Variants in VWA8 observed in about 807,000 individuals in gnomAD.
The protein encoded by VWA8 is von Willebrand factor A domain-containing protein 8.
In VWA8, 221 loss-of-function variants were observed where a neutral mutation model predicts 241.5. That is an observed-to-expected ratio of 0.91 (90% CI 0.82 to 1.02). The LOEUF (loss-of-function observed/expected upper bound fraction) is 1.02, where lower values mean the gene tolerates loss of function less well. Among genes scored for constraint, VWA8 ranks in the 50% least tolerant of loss-of-function variants. The pLI, the probability that VWA8 is intolerant of heterozygous loss-of-function variation, is 0.00. For missense variants in VWA8, 2,322 were observed against 2,328.7 expected (o/e 1.00, Z 0.06); for synonymous variants, 852 against 827.1 (o/e 1.03, Z -0.52).
At chr13:41,759,400 G>A (rs1028225904) in intron 21 of VWA8, among the ~76,000 whole-genome samples, 1 of 150,846 alleles carries the variant, frequency 6.6e-6, no homozygotes, top group African/African-American at 2.4e-5. Context: ...GCTATGTAGT[G>A]TTTTTTTTGT....
rs746251108 is a variant in VWA8 at position 41,721,395 on chromosome 13, A to G, written c.2939T>C (p.Val980Ala). 1.2e-6 allele frequency: 2 copies of G among 1,613,760 alleles called. No homozygotes were observed. The highest frequency in any genetic ancestry group is 2.2e-5 in the East Asian group (1 of 44,874). The change falls in exon 25 of 45, where the codon GTT (valine) becomes GCT (alanine). Residue 980 changes from valine (V) to alanine (A), a missense_variant. By Grantham distance (64) the Val-to-Ala change is moderately conservative. Coordinates refer to ENST00000379310, the MANE Select transcript of VWA8 (RefSeq NM_015058.2). Reference sequence around the variant, plus strand: ...CTGTAAATGTTTGACTATGTTGACAACTTCTCTGGTAGAATAAGGATAGTT... The same window carrying G: ...CTGTAAATGTTTGACTATGTTGACAGCTTCTCTGGTAGAATAAGGATAGTT... ...IINYPYSTRE[V>A]VNIVKHLQKF... is the part of the protein sequence containing the mutation.
At chr13:41,795,194 A>AG (rs1160263286) in intron 17 of VWA8, among the ~76,000 whole-genome samples, 5 of 152,198 alleles carry the variant, frequency 3.3e-5, no homozygotes, top group Non-Finnish European at 5.9e-5. Context: ...GAACATGAAA[A>AG]AAAGCTCAAC....
intron 43 of VWA8, among the ~76,000 whole-genome samples, chr13:41,575,377 C>G (rs138458516): frequency 6.6e-6 from 1 of 152,048 alleles, no homozygotes; most frequent in African/African-American, 2.4e-5. Context: ...ATCCATATAA[C>G]CAAAAACCAC....
In VWA8 at chr13:41,568,269, A is replaced by G. The variant is rs763630457; in HGVS notation, c.5646T>C (p.Val1882=). 6.2e-7 allele frequency: 1 copy of G among 1,614,188 alleles called. No homozygotes were observed. ...GAGGGATATCCTTGGTATCCATGGC[A>G]ACGAAAGACCGACCAGCTGGTAAAG... ...QRTLPAGRSF[V]AMDTKDIPQI... is the part of the protein sequence containing the mutation. The change falls in exon 45 of 45, where the codon GTT becomes GTC. Residue 1882 remains valine (V), a synonymous_variant. Coordinates refer to ENST00000379310, the MANE Select transcript of VWA8 (RefSeq NM_015058.2).
At chr13:41,673,544 G>A (rs1016062357) in intron 36 of VWA8, among the ~76,000 whole-genome samples, 11 of 152,018 alleles carry the variant, frequency 7.2e-5, no homozygotes, top group African/African-American at 2.7e-4. Context: ...ATGGAGATGT[G>A]CTTTAAGTGT....
At chr13:41,656,172 G>T (rs763303916) in intron 37 of VWA8, among the ~76,000 whole-genome samples, 2 of 152,150 alleles carry the variant, frequency 1.3e-5, no homozygotes, top group African/African-American at 2.4e-5. Flanking sequence ...TCTGAGTAAT[G>T]ACTTATATGT....
At chr13:41,918,628 A>C (rs1236236246) in intron 2 of VWA8, among the ~76,000 whole-genome samples, 2 of 152,138 alleles carry the variant, frequency 1.3e-5, no homozygotes, top group African/African-American at 4.8e-5. Flanking sequence ...TTAGTTCTGC[A>C]AAAAAGTTAT....
intron 37 of VWA8, among the ~76,000 whole-genome samples, chr13:41,667,251 T>C (rs1406099931): frequency 6.6e-6 from 1 of 152,246 alleles, no homozygotes; most frequent in Non-Finnish European, 1.5e-5. Flanking sequence ...CTTACTTACC[T>C]AAGTACATCA....
At chr13:41,657,639 G>A (rs973956801) in intron 37 of VWA8, among the ~76,000 whole-genome samples, 48 of 152,068 alleles carry the variant, frequency 3.2e-4, no homozygotes, top group African/African-American at 7.2e-4. Context: ...ACAGGCGCCC[G>A]CCACCGCGCC....
rs200869980 is a variant in VWA8 at position 41,659,446 on chromosome 13, T to C, written c.4611+11500A>G. Among the ~76,000 whole-genome samples, 38 of 152,340 alleles carry C rather than the reference T, an allele frequency of 2.5e-4. No individual in the cohort carries two copies. The East Asian group carries it at 3.7e-3, about 15-fold the overall frequency. ...TGTCTCTGTACACTGAGAACAGCAT[T>C]GGTATATGATTAGCACATGTAAGTA... On this transcript the variant is annotated intron_variant, in intron 37 of 44. Transcript: ENST00000379310.
At chr13:41,685,824 C>T (rs1474768653) in intron 34 of VWA8, among the ~76,000 whole-genome samples, 5 of 152,146 alleles carry the variant, frequency 3.3e-5, no homozygotes, top group African/African-American at 9.7e-5. Context: ...GTCATTCTCT[C>T]TCTCCCCTAG....
chr13:41,728,155 T>TAC (rs2045452025), intron 23 of VWA8, among the ~76,000 whole-genome samples: 1 of 151,580 alleles, frequency 6.6e-6, no homozygotes, highest in Non-Finnish European at 1.5e-5. Context: ...CTACTCTCAT[T>TAC]TTTTTATGAT....
Position 41,570,611 on chromosome 13 carries a change from A to G in VWA8, c.5466T>C (p.Asp1822=). ...CACTCAAGACTATGACAAAGTACTCATCAGCTTCTTCTTTGACAATTTCCT... is the reference window on the plus strand; with the variant it reads ...CACTCAAGACTATGACAAAGTACTCGTCAGCTTCTTCTTTGACAATTTCCT... ...AIKEIVKEEA[D]EYFVIVLSDA... The change falls in exon 44 of 45, where the codon GAT becomes GAC. Residue 1822 remains aspartate, a synonymous_variant. Coordinates refer to ENST00000379310, the MANE Select transcript of VWA8 (RefSeq NM_015058.2). 6.2e-7 allele frequency: 1 copy of G among 1,614,266 alleles called. No homozygotes were observed. The highest frequency in any genetic ancestry group is 8.5e-7 in the Non-Finnish European group (1 of 1,180,040).
chr13:41,865,779 G>A lies in VWA8; in HGVS notation c.1382C>T (p.Ala461Val). ...CGKTVIAKNF[A>V]DTLGYNIEPI... ...TTCTATGTTGTATCCTAAGGTATCG[G>A]CAAAGTTCTTAGCGATCACTGTTTT... The change falls in exon 12 of 45, where the codon GCC (alanine) becomes GTC (valine). Residue 461 changes from alanine (A) to valine (V), a missense_variant. Transcript: ENST00000379310. 6.2e-7 allele frequency: 1 copy of A among 1,614,100 alleles called. No individual in the cohort carries two copies. The highest frequency in any genetic ancestry group is 8.5e-7 in the Non-Finnish European group (1 of 1,180,026).
rs9525547 is a variant in VWA8 at position 41,866,390 on chromosome 13, C to T, written c.1213-354G>A. Reference sequence around the variant, plus strand: ...ATATATATATATGTGTGTGTGTGTGCGCGTGTGTGTGTGTATATGTGTGTG... The same window carrying T: ...ATATATATATATGTGTGTGTGTGTGTGCGTGTGTGTGTGTATATGTGTGTG... On this transcript the variant is annotated intron_variant, in intron 10 of 44. Coordinates refer to ENST00000379310, the MANE Select transcript of VWA8 (RefSeq NM_015058.2). 1.5e-4 allele frequency among the ~76,000 whole-genome samples: 22 copies of T among 144,656 alleles called. 1 individual carries two copies. Among genetic ancestry groups the T allele is most frequent in the Admixed American group, 8.9e-4 (13 of 14,558 alleles). 94.9% of individuals were successfully genotyped at this position (144,656 alleles called of 152,430 possible). A position where few individuals can be genotyped will look rare whatever the true frequency, so the allele number is the denominator to read the frequency against.
At chr13:41,597,471 A>G (rs114944909) in intron 40 of VWA8, among the ~76,000 whole-genome samples, 363 of 152,222 alleles carry the variant, frequency 2.4e-3, no homozygotes, top group African/African-American at 8.1e-3. Context: ...ACCTTATTCT[A>G]AGGGATTCAT....
intron 9 of VWA8, among the ~76,000 whole-genome samples, chr13:41,881,325 G>A (rs1297068306): frequency 8.0e-6 from 1 of 125,612 alleles, no homozygotes; most frequent in Non-Finnish European, 1.6e-5. Flanking sequence ...CAATGTCCAG[G>A]TACTTGGTAT....
intron 12 of VWA8, among the ~76,000 whole-genome samples, chr13:41,847,774 A>T (rs906899094): frequency 6.6e-6 from 1 of 152,158 alleles, no homozygotes; most frequent in Admixed American, 6.5e-5. Context: ...GTATGATGGG[A>T]GGCCATTGAC....
In VWA8 at chr13:41,769,885, T is replaced by C. The variant is rs2045806455; in HGVS notation, c.2349+8100A>G. Among the ~76,000 whole-genome samples the C allele has an allele frequency of 2.6e-5, 4 of 152,180 alleles. 1 individual carries two copies. In the South Asian group the frequency reaches 8.3e-4, roughly 31 times the overall value. Reference sequence around the variant, plus strand: ...TTTTAATCTTAGTTCATAAGAAACTTTTAACCAATTATGGATGAAATCAAA... The same window carrying C: ...TTTTAATCTTAGTTCATAAGAAACTCTTAACCAATTATGGATGAAATCAAA... On this transcript the variant is annotated intron_variant, in intron 20 of 44. Transcript: ENST00000379310.
Sources: allele counts gnomAD v4.1 joint callset (sites outside exome capture counted in the v4.1 genomes callset), GRCh38; gene constraint gnomAD v4.1.1; transcripts MANE v1.5; gene names NCBI Gene and HGNC (gene_info 2026-07-23, HGNC 2026-07-21).